The following RNF130 variants were observed in gnomAD, a reference collection of about 807,000 sequenced individuals.
RNF130 encodes the protein E3 ubiquitin-protein ligase RNF130.
A neutral mutation model predicts 44.6 loss-of-function variants in RNF130; 21 were observed. That is an observed-to-expected ratio of 0.47 (90% CI 0.33 to 0.68). The LOEUF is 0.68. Ranked by LOEUF, RNF130 falls within the 30% of genes least tolerant of loss-of-function variation. The pLI, the probability that RNF130 is intolerant of heterozygous loss-of-function variation, is 0.02. For synonymous variants in RNF130, 214 were observed against 210.4 expected (o/e 1.02, Z -0.15); for missense variants, 479 against 560.6 (o/e 0.85, Z 1.47).
chr5:180,065,925 C>A (rs1004411328), intron 1 of RNF130, among the ~76,000 whole-genome samples: 2 of 151,986 alleles, frequency 1.3e-5, no homozygotes, highest in African/African-American at 4.8e-5. Context: ...TGTCCAAATT[C>A]AAATCTATCA....
intron 7 of RNF130, chr5:179,939,952 C>CTTT: frequency 2.6e-5 from 5 of 191,236 alleles, no homozygotes; most frequent in Non-Finnish European, 4.3e-5. Context: ...ATAAACGTCC[C>CTTT]TTTTTTTTTT....
chr5:179,942,251 T>C (rs1761977029), intron 7 of RNF130, among the ~76,000 whole-genome samples: 1 of 151,842 alleles, frequency 6.6e-6, no homozygotes, highest in South Asian at 2.1e-4. Flanking sequence ...CCATCAGTTA[T>C]GGTAGTTAGA....
At chr5:180,069,325 A>C (rs1188009783) in intron 1 of RNF130, among the ~76,000 whole-genome samples, 1 of 152,158 alleles carries the variant, frequency 6.6e-6, no homozygotes, top group African/African-American at 2.4e-5. Context: ...GATTTCAATT[A>C]ATATTTGCTG....
intron 2 of RNF130, among the ~76,000 whole-genome samples, chr5:180,021,872 C>T (rs893803191): frequency 3.9e-5 from 6 of 152,192 alleles, no homozygotes; most frequent in Admixed American, 1.3e-4. Context: ...TTCCCAATAA[C>T]GTCCTTTACA....
intron 7 of RNF130, among the ~76,000 whole-genome samples, chr5:179,966,605 T>C (rs2113703464): frequency 6.6e-6 from 1 of 152,362 alleles, no homozygotes; most frequent in South Asian, 2.1e-4. Context: ...GCTATTCCTA[T>C]TAATTATACA....
chr5:180,038,603 A>C (rs1764331311), intron 2 of RNF130, among the ~76,000 whole-genome samples: 2 of 152,044 alleles, frequency 1.3e-5, no homozygotes, highest in African/African-American at 4.8e-5. Flanking sequence ...CTGTTTCCCC[A>C]TGAGTCCTCT....
intron 7 of RNF130, among the ~76,000 whole-genome samples, chr5:179,920,919 T>C (rs1224905103): frequency 6.6e-6 from 1 of 151,940 alleles, no homozygotes; most frequent in Non-Finnish European, 1.5e-5. Flanking sequence ...GTCTTAGACT[T>C]TATCTACTGA....
chr5:180,068,757 T>C (rs1367513840), intron 1 of RNF130, among the ~76,000 whole-genome samples: 3 of 152,240 alleles, frequency 2.0e-5, no homozygotes, highest in African/African-American at 7.2e-5. Context: ...AAAGTTCTTT[T>C]GTCTTTATGT....
chr5:180,036,314 A>G (rs960038532), intron 2 of RNF130, among the ~76,000 whole-genome samples: 2 of 152,112 alleles, frequency 1.3e-5, no homozygotes, highest in African/African-American at 2.4e-5. Context: ...CTTCTTTTTA[A>G]TAAGACTGGT....
Position 180,013,250 on chromosome 5 carries a change from A to G in RNF130, c.504T>C (p.Tyr168=), listed in dbSNP as rs141522926. 2 of 1,614,188 alleles carry G rather than the reference A, an allele frequency of 1.2e-6. No individual in the cohort carries two copies. Among genetic ancestry groups the G allele is most frequent in the African/African-American group, 1.3e-5 (1 of 75,066 alleles). The change falls in exon 3 of 9, where the codon TAT becomes TAC. Residue 168 remains tyrosine, a synonymous_variant. Coordinates refer to ENST00000521389, the MANE Select transcript of RNF130 (RefSeq NM_018434.6). The part of the protein sequence containing the change: ...TELRGKDILS[Y]LEKNISVQMT... The stretch of plus-strand genomic sequence containing the variant: ...TTTGTACAGAGATGTTTTTCTCCAG[A>G]TAACTCAAAATATCCTTACCCCTCA...
chr5:180,008,109 C>T (rs1290225749), intron 3 of RNF130, among the ~76,000 whole-genome samples: 2 of 151,540 alleles, frequency 1.3e-5, no homozygotes, highest in African/African-American at 4.9e-5. Flanking sequence ...CCTTACTTCC[C>T]CCATAGATTC....
intron 7 of RNF130, among the ~76,000 whole-genome samples, chr5:179,937,933 T>TGTGTGTGTGA (rs1268947878): frequency 1.5e-3 from 175 of 116,288 alleles, no homozygotes; most frequent in East Asian, 1.7e-3. Context: ...TGTGTGTGTG[T>TGTGTGTGTGA]GAGAGAGAGA....
At chr5:180,047,497 C>T (rs1238230203) in intron 1 of RNF130, among the ~76,000 whole-genome samples, 5 of 152,188 alleles carry the variant, frequency 3.3e-5, no homozygotes, top group Non-Finnish European at 5.9e-5. Context: ...GTCATCCCAG[C>T]ACTTTGGGAG....
At chr5:179,934,507 A>T (rs2113678399) in intron 7 of RNF130, among the ~76,000 whole-genome samples, 1 of 150,074 alleles carries the variant, frequency 6.7e-6, no homozygotes, top group South Asian at 2.1e-4. Context: ...TTTTAAAGGA[A>T]CAACTTCGTG....
chr5:179,967,461 T>A (rs1031229509), intron 6 of RNF130, among the ~76,000 whole-genome samples: 1 of 152,234 alleles, frequency 6.6e-6, no homozygotes, highest in Admixed American at 6.5e-5. Context: ...TTTTTAAGTA[T>A]GGTCTGCCTT....
chr5:179,964,059 C>T (rs1055740451), intron 7 of RNF130: 48 of 156,512 alleles, frequency 3.1e-4, no homozygotes, highest in African/African-American at 1.2e-3. Context: ...GCCGGCCTCC[C>T]ATGGCATCCA....
At chr5:179,922,238 C>T (rs1232378338) in intron 7 of RNF130, among the ~76,000 whole-genome samples, 1 of 149,348 alleles carries the variant, frequency 6.7e-6, no homozygotes. Context: ...ATTAGCCAAC[C>T]GTGTATCTTC....
intron 3 of RNF130, among the ~76,000 whole-genome samples, chr5:180,002,121 G>A (rs1412932383): frequency 6.6e-6 from 1 of 152,236 alleles, no homozygotes; most frequent in African/African-American, 2.4e-5. Flanking sequence ...TGGGATGTGT[G>A]ATCACTCTGG....
At chr5:179,941,198 G>A (rs1761965435) in intron 7 of RNF130, among the ~76,000 whole-genome samples, 1 of 152,100 alleles carries the variant, frequency 6.6e-6, no homozygotes, top group Admixed American at 6.5e-5. Context: ...CTCCTGGCTT[G>A]CCTGCTTCGT....
Sources: gnomAD v4.1 joint callset for allele counts (sites outside exome capture counted in the v4.1 genomes callset) on GRCh38, gnomAD v4.1.1 for gene constraint, MANE v1.5 for transcripts, NCBI Gene and HGNC (gene_info 2026-07-23, HGNC 2026-07-21) for gene names.